XRCC4: variants seen among roughly 807,000 people sequenced by gnomAD.
XRCC4 encodes the protein X-ray repair cross complementing 4, also known as DNA repair protein XRCC4.
A neutral mutation model predicts 39.1 loss-of-function variants in XRCC4; 28 were observed. The ratio of observed to expected loss-of-function variants is 0.72; its 90% CI spans 0.53 to 0.98. The LOEUF (loss-of-function observed/expected upper bound fraction) is 0.98, where lower values mean the gene tolerates loss of function less well. Ranked by LOEUF, XRCC4 falls within the 50% of genes least tolerant of loss-of-function variation. The pLI is 0.00. For synonymous variants in XRCC4, 123 were observed against 126.4 expected (o/e 0.97, Z 0.18); for missense variants, 350 against 376.4 (o/e 0.93, Z 0.58).
At chr5:83,090,347 G>C (rs1055137184) in intron 1 of XRCC4, among the ~76,000 whole-genome samples, 13 of 137,860 alleles carry the variant, frequency 9.4e-5, no homozygotes, top group African/African-American at 3.2e-4. Flanking sequence ...GTGGGGTTGG[G>C]GGGGGCTCCC....
chr5:83,341,612 G>GA (rs149025471), intron 7 of XRCC4, among the ~76,000 whole-genome samples: 2,403 of 152,018 alleles, frequency 0.016, 69 homozygotes, highest in African/African-American at 0.054. Context: ...TTCCTCAGAA[G>GA]AAAAAAACAT....
At chr5:83,238,526 C>T (rs184603252) in intron 6 of XRCC4, among the ~76,000 whole-genome samples, 9 of 151,990 alleles carry the variant, frequency 5.9e-5, no homozygotes, top group East Asian at 5.8e-4. Context: ...CTATCCTGAG[C>T]GAATTCTCTA....
intron 6 of XRCC4, among the ~76,000 whole-genome samples, chr5:83,235,246 G>C (rs946086692): frequency 6.8e-6 from 1 of 146,822 alleles, no homozygotes; most frequent in Non-Finnish European, 1.5e-5. Flanking sequence ...AAGGAGGGAG[G>C]ATCACTTGAA....
At chr5:83,178,592 C>G (rs1333002998) in intron 3 of XRCC4, among the ~76,000 whole-genome samples, 2 of 151,928 alleles carry the variant, frequency 1.3e-5, no homozygotes, top group African/African-American at 4.8e-5. Flanking sequence ...ACAAAGGGCA[C>G]TGATGGCATT....
intron 3 of XRCC4, among the ~76,000 whole-genome samples, chr5:83,144,067 C>A (rs80206874): frequency 1.3e-5 from 2 of 151,940 alleles, no homozygotes; most frequent in Non-Finnish European, 2.9e-5. Flanking sequence ...TGCCTTCCCC[C>A]CTTCTGAGTC....
At chr5:83,168,585 G>A (rs1156923272) in intron 3 of XRCC4, among the ~76,000 whole-genome samples, 1 of 152,046 alleles carries the variant, frequency 6.6e-6, no homozygotes, top group East Asian at 1.9e-4. Context: ...TTTTTTTCAT[G>A]CATACTAAAA....
intron 3 of XRCC4, among the ~76,000 whole-genome samples, chr5:83,181,482 T>C (rs1167971709): frequency 6.6e-6 from 1 of 152,112 alleles, no homozygotes; most frequent in South Asian, 2.1e-4. Flanking sequence ...TTCTTTTTTA[T>C]GCGTTATTCA....
chr5:83,104,256 A>G (rs1426928237), intron 1 of XRCC4, among the ~76,000 whole-genome samples: 1 of 152,016 alleles, frequency 6.6e-6, no homozygotes, highest in East Asian at 1.9e-4. Flanking sequence ...CCCCCATTGA[A>G]TTATACTTAC....
chr5:83,343,959 TCTC>T, intron 7 of XRCC4, among the ~76,000 whole-genome samples: 1 of 152,072 alleles, frequency 6.6e-6, no homozygotes, highest in Non-Finnish European at 1.5e-5. Flanking sequence ...TACTAAACCT[TCTC>T]CTCTTCCATG....
intron 4 of XRCC4, among the ~76,000 whole-genome samples, chr5:83,199,052 A>T (rs1249391569): frequency 6.6e-6 from 1 of 152,158 alleles, no homozygotes; most frequent in Non-Finnish European, 1.5e-5. Flanking sequence ...TTAAACCCAT[A>T]ATTGGAGGCA....
Position 83,258,566 on chromosome 5 carries a change from T to G in XRCC4, c.782T>G (p.Leu261Arg). The G allele has an allele frequency of 6.2e-7, 1 of 1,609,064 alleles. No homozygotes were observed. Among genetic ancestry groups the G allele is most frequent in the Non-Finnish European group, 8.5e-7 (1 of 1,178,630 alleles). Residue 261 changes from leucine (L) to arginine (R), a missense_variant, in exon 7 of 8, where the codon CTT (leucine) becomes CGT (arginine). Physicochemically the swap from Leu to Arg is moderately radical, Grantham distance 102 (BLOSUM62 -2). Coordinates refer to ENST00000396027, the MANE Select transcript of XRCC4 (RefSeq NM_003401.5). ...AAAGATGATTCCATTATTTCAAGTCTTGATGTCACTGATATTGCACCAAGT... is the reference window on the plus strand; with the variant it reads ...AAAGATGATTCCATTATTTCAAGTCGTGATGTCACTGATATTGCACCAAGT... Reference protein sequence around the residue: ...VSKDDSIISSLDVTDIAPSRK... With the variant: ...VSKDDSIISSRDVTDIAPSRK...
intron 4 of XRCC4, among the ~76,000 whole-genome samples, chr5:83,200,490 A>G (rs1337651981): frequency 1.3e-5 from 2 of 152,218 alleles, no homozygotes; most frequent in East Asian, 3.8e-4. Flanking sequence ...CTTAAGATTA[A>G]CAATATTCTT....
intron 6 of XRCC4, among the ~76,000 whole-genome samples, chr5:83,221,506 T>G (rs1378474352): frequency 2.6e-5 from 4 of 152,152 alleles, no homozygotes; most frequent in Non-Finnish European, 5.9e-5. Context: ...ATTAAAATCC[T>G]GTAGTTGAGT....
chr5:83,267,419 TACAATTCCCAGCCTC>T (rs1414173356), intron 7 of XRCC4, among the ~76,000 whole-genome samples: 1 of 152,186 alleles, frequency 6.6e-6, no homozygotes, highest in East Asian at 1.9e-4. Flanking sequence ...ACCTAGAGGC[TACAATTCCCAGCCTC>T]ACTAGCAGTG....
At chr5:83,290,381 AT>A (rs1754882615) in intron 7 of XRCC4, among the ~76,000 whole-genome samples, 1 of 151,212 alleles carries the variant, frequency 6.6e-6, no homozygotes, top group Non-Finnish European at 1.5e-5. Flanking sequence ...TATTAATTCT[AT>A]TTAAGAAAAT....
intron 3 of XRCC4, among the ~76,000 whole-genome samples, chr5:83,167,967 A>G (rs188036054): frequency 2.0e-5 from 3 of 152,358 alleles, no homozygotes; most frequent in Non-Finnish European, 2.9e-5. Flanking sequence ...TATTTGAAGT[A>G]ATTAAGCAGA....
downstream of XRCC4, chr5:83,356,687 T>C (rs1757193605): frequency 2.2e-6 from 1 of 455,062 alleles, no homozygotes; most frequent in Non-Finnish European, 4.4e-6. Context: ...GATCCTATTA[T>C]TCCATACCAC....
chr5:83,274,711 G>A (rs561783542), intron 7 of XRCC4, among the ~76,000 whole-genome samples: 1 of 152,278 alleles, frequency 6.6e-6, no homozygotes, highest in African/African-American at 2.4e-5. Context: ...TGAAAGAAAG[G>A]TAATGCAAAG....
intron 7 of XRCC4, among the ~76,000 whole-genome samples, chr5:83,318,231 A>G (rs1201711721): frequency 7.4e-6 from 1 of 134,512 alleles, no homozygotes; most frequent in Non-Finnish European, 1.5e-5. Context: ...ATCTATGACA[A>G]ACCCACAGCC....
Sources: gnomAD v4.1 joint callset for allele counts (sites outside exome capture counted in the v4.1 genomes callset) on GRCh38, gnomAD v4.1.1 for gene constraint, MANE v1.5 for transcripts, NCBI Gene and HGNC (gene_info 2026-07-23, HGNC 2026-07-21) for gene names.